Variants in CPS1 observed in about 807,000 individuals in gnomAD.
CPS1 encodes the protein carbamoyl-phosphate synthase [ammonia], mitochondrial.
CPS1 carries 109 observed loss-of-function variants against 174.6 expected under a neutral mutation model. The observed-to-expected ratio is 0.62, with a 90% CI of 0.53 to 0.73. The LOEUF (loss-of-function observed/expected upper bound fraction) is 0.73, where lower values mean the gene tolerates loss of function less well. Ranked by LOEUF, CPS1 falls within the 30% of genes least tolerant of loss-of-function variation. The pLI is 0.00. For missense variants in CPS1, 1,689 were observed against 1,821.9 expected, an observed-to-expected ratio of 0.93 and a Z score of 1.33; for synonymous variants, 637 against 632.0, an observed-to-expected ratio of 1.01 and a Z score of -0.12.
chr2:210,477,696 GT>G, exon 1 of CPS1: 1 of 1,602,400 alleles, frequency 6.2e-7, no homozygotes, highest in East Asian at 2.2e-5. Context: ...TTTTAAAATA[GT>G]TGCTTTCTTA....
Position 210,502,455 on chromosome 2 carries a change from A to G in CPS1, c.3+24689A>G, listed in dbSNP as rs1273046589. 2.9e-5 allele frequency among the ~76,000 whole-genome samples: 3 copies of G among 103,586 alleles called. No homozygotes were observed. In the East Asian group the frequency reaches 7.4e-4, roughly 26 times the overall value. 68.0% of individuals were successfully genotyped at this position (103,586 alleles called of 152,430 possible). A position where few individuals can be genotyped will look rare whatever the true frequency, so the allele number is the denominator to read the frequency against. ...AGAGATATAGAGATATCTATGAGAT[A>G]CATATAGATATATATATTTATATAT... is the stretch of plus-strand genomic sequence containing the variant. On this transcript the variant is annotated intron_variant, in intron 1 of 38. Transcript: ENST00000430249.
intron 1 of CPS1, among the ~76,000 whole-genome samples, chr2:210,489,160 A>C (rs553405856): frequency 6.6e-6 from 1 of 152,344 alleles, no homozygotes; most frequent in South Asian, 2.1e-4. Context: ...CAGTGCAAAC[A>C]GCCCTGAAAA....
intron 36 of CPS1, among the ~76,000 whole-genome samples, chr2:210,676,200 A>G (rs1701528639): frequency 6.6e-6 from 1 of 152,236 alleles, no homozygotes; most frequent in African/African-American, 2.4e-5. Flanking sequence ...GGTTGTGCAT[A>G]ATAAATCAAT....
At chr2:210,633,264 CTTT>C (rs549845940) in intron 21 of CPS1, among the ~76,000 whole-genome samples, 1 of 148,718 alleles carries the variant, frequency 6.7e-6, no homozygotes, top group African/African-American at 2.5e-5. Context: ...TGACAGATGG[CTTT>C]TTTTTTTCGT....
intron 20 of CPS1, among the ~76,000 whole-genome samples, chr2:210,615,496 T>C (rs901152068): frequency 2.6e-5 from 4 of 151,990 alleles, no homozygotes; most frequent in Non-Finnish European, 5.9e-5. Flanking sequence ...GAGTTACTAG[T>C]TGCATATATT....
At chr2:210,626,705 C>T (rs1480673420) in intron 21 of CPS1, among the ~76,000 whole-genome samples, 1 of 152,076 alleles carries the variant, frequency 6.6e-6, no homozygotes, top group Non-Finnish European at 1.5e-5. Flanking sequence ...AAATTATTCA[C>T]GTTTTCAAAT....
chr2:210,566,209 T>C (rs1697296352), intron 1 of CPS1, among the ~76,000 whole-genome samples: 1 of 152,154 alleles, frequency 6.6e-6, no homozygotes, highest in Non-Finnish European at 1.5e-5. Flanking sequence ...AGCAAGTTTT[T>C]CCATTATTAA....
rs576549158 is a variant in CPS1, at chr2:210,582,921, C to T, written c.621+212C>T. Among the ~76,000 whole-genome samples the T allele has an allele frequency of 2.0e-5, 3 of 152,128 alleles. No individual in the cohort carries two copies. In the South Asian group the frequency reaches 6.2e-4, roughly 32 times the overall value. ...AGGCTTACATGGGAAACTTCATGCC[C>T]CAATTTAGAGGATTTTTACTAAATT... On this transcript the variant is annotated intron_variant, in intron 6 of 37. Transcript: ENST00000233072.
At chr2:210,632,907 T>G (rs1699913759) in intron 21 of CPS1, among the ~76,000 whole-genome samples, 1 of 152,236 alleles carries the variant, frequency 6.6e-6, no homozygotes, top group Non-Finnish European at 1.5e-5. Context: ...TTCTAATTTT[T>G]AAGACATTTA....
chr2:210,516,217 T>A (rs942420074), intron 1 of CPS1, among the ~76,000 whole-genome samples: 1 of 151,844 alleles, frequency 6.6e-6, no homozygotes, highest in Non-Finnish European at 1.5e-5. Flanking sequence ...TAGGTACCAT[T>A]TGTCAAGTGT....
At chr2:210,572,148 T>C (rs1018164600) in intron 1 of CPS1, among the ~76,000 whole-genome samples, 1 of 151,986 alleles carries the variant, frequency 6.6e-6, no homozygotes, top group Non-Finnish European at 1.5e-5. Flanking sequence ...TGCTGATTAC[T>C]TTGAAGGAAA....
chr2:210,590,953 T>G, intron 9 of CPS1, 47 bp downstream of exon 9: 1 of 1,446,898 alleles, frequency 6.9e-7, no homozygotes, highest in Non-Finnish European at 9.7e-7. Context: ...TCTGACATAC[T>G]AACTAAATAC....
intron 1 of CPS1, among the ~76,000 whole-genome samples, chr2:210,506,319 G>T (rs1396958255): frequency 2.0e-5 from 3 of 152,100 alleles, no homozygotes; most frequent in Non-Finnish European, 4.4e-5. Flanking sequence ...CTGCAGCTGA[G>T]GGTCCTGACT....
intron 29 of CPS1, among the ~76,000 whole-genome samples, chr2:210,655,928 G>T (rs1394705110): frequency 1.3e-5 from 2 of 152,182 alleles, no homozygotes; most frequent in Admixed American, 6.5e-5. Context: ...GAATCTGACA[G>T]ATAATATTCA....
intron 21 of CPS1, chr2:210,619,423 C>T (rs1393674851): frequency 1.3e-5 from 2 of 151,854 alleles, no homozygotes; most frequent in African/African-American, 2.4e-5. Context: ...TTCCTCTTTT[C>T]CCCTGAAAAT....
rs763652819 is a variant in CPS1, at chr2:210,590,938, C to T, written c.947+32C>T. 1.3e-5 allele frequency: 20 copies of T among 1,539,096 alleles called. No homozygotes were observed. In the South Asian group the frequency reaches 2.1e-4, roughly 16 times the overall value. On this transcript the variant is annotated intron_variant, in intron 9 of 37. Transcript: ENST00000233072. ...TATTTTCACTTTTGCTTACAGTAAA[C>T]CAGCTCTGACATACTAACTAAATAC...
chr2:210,610,057 T>G (rs1699057244), intron 19 of CPS1, among the ~76,000 whole-genome samples: 1 of 151,994 alleles, frequency 6.6e-6, no homozygotes, highest in South Asian at 2.1e-4. Context: ...TTCTCCATTA[T>G]AGTTGTTTTA....
At chr2:210,671,074 T>C (rs1481947548) in intron 34 of CPS1, among the ~76,000 whole-genome samples, 1 of 152,194 alleles carries the variant, frequency 6.6e-6, no homozygotes, top group Non-Finnish European at 1.5e-5. Context: ...GATTTATTTT[T>C]AGTTGCTGTG....
intron 2 of CPS1, among the ~76,000 whole-genome samples, chr2:210,576,040 T>C (rs1176130589): frequency 6.6e-6 from 1 of 152,050 alleles, no homozygotes; most frequent in Admixed American, 6.6e-5. Flanking sequence ...GCAGGGATAT[T>C]TTAAAAATTA....
Sources: gnomAD v4.1 joint callset for allele counts (sites outside exome capture counted in the v4.1 genomes callset) on GRCh38, gnomAD v4.1.1 for gene constraint, MANE v1.5 for transcripts, NCBI Gene and HGNC (gene_info 2026-07-23, HGNC 2026-07-21) for gene names.